The following MAN1A2 variants were observed in gnomAD, a reference collection of about 807,000 sequenced individuals.
The protein encoded by MAN1A2 is mannosidase alpha class 1A member 2.
In MAN1A2, 26 loss-of-function variants were observed where a neutral mutation model predicts 75.7. The observed-to-expected ratio is 0.34, with a 90% CI of 0.25 to 0.48. The LOEUF (loss-of-function observed/expected upper bound fraction) is 0.48. Among genes scored for constraint, MAN1A2 ranks in the 20% least tolerant of loss-of-function variants. The pLI, the probability that MAN1A2 is intolerant of heterozygous loss-of-function variation, is 0.99. For synonymous variants in MAN1A2, 247 were observed against 264.6 expected (o/e 0.93, Z 0.65); for missense variants, 562 against 775.5 (o/e 0.72, Z 3.27).
chr1:117,457,747 G>A (rs1649651887), intron 6 of MAN1A2, among the ~76,000 whole-genome samples: 1 of 152,064 alleles, frequency 6.6e-6, no homozygotes, highest in Admixed American at 6.6e-5. Flanking sequence ...TATTCCTTAA[G>A]TATTATGTTA....
intron 8 of MAN1A2, among the ~76,000 whole-genome samples, chr1:117,490,255 G>T (rs1051330470): frequency 6.6e-6 from 1 of 151,962 alleles, no homozygotes; most frequent in Non-Finnish European, 1.5e-5. Context: ...GAGCAAATCC[G>T]TCAGCATCAT....
chr1:117,511,948 A>G (rs1468423274), intron 12 of MAN1A2, among the ~76,000 whole-genome samples: 2 of 152,136 alleles, frequency 1.3e-5, no homozygotes, highest in Non-Finnish European at 2.9e-5. Context: ...TATGTATTTC[A>G]GTATTAAATG....
intron 1 of MAN1A2, among the ~76,000 whole-genome samples, chr1:117,391,110 A>G (rs978355727): frequency 6.6e-6 from 1 of 152,280 alleles, no homozygotes; most frequent in African/African-American, 2.4e-5. Flanking sequence ...GAGACTATCC[A>G]GATACCTTTA....
At chr1:117,504,944 AT>A (rs1191205216) in intron 12 of MAN1A2, among the ~76,000 whole-genome samples, 1 of 151,390 alleles carries the variant, frequency 6.6e-6, no homozygotes, top group Admixed American at 6.6e-5. Context: ...AGTTTAGCCC[AT>A]TATTGGTGAT....
intron 3 of MAN1A2, among the ~76,000 whole-genome samples, chr1:117,410,491 A>G (rs959270836): frequency 3.3e-5 from 5 of 151,830 alleles, no homozygotes; most frequent in Non-Finnish European, 5.9e-5. Flanking sequence ...AATACCCCCC[A>G]CATACTTAAT....
intron 1 of MAN1A2, among the ~76,000 whole-genome samples, chr1:117,398,341 T>C (rs752799027): frequency 1.3e-5 from 2 of 152,054 alleles, no homozygotes; most frequent in East Asian, 1.9e-4. Context: ...CTCATGCATA[T>C]GGGGCTATTG....
intron 1 of MAN1A2, among the ~76,000 whole-genome samples, chr1:117,393,283 T>C (rs1302228411): frequency 1.3e-5 from 2 of 152,212 alleles, no homozygotes; most frequent in African/African-American, 4.8e-5. Context: ...AGGAGATCTT[T>C]TTATTACCTT....
chr1:117,517,105 G>A (rs974378916), intron 12 of MAN1A2, among the ~76,000 whole-genome samples: 15 of 152,204 alleles, frequency 9.9e-5, no homozygotes, highest in African/African-American at 3.4e-4. Context: ...TCAATAGTGG[G>A]GAATAACCTG....
intron 1 of MAN1A2, among the ~76,000 whole-genome samples, chr1:117,379,924 A>G (rs1653275103): frequency 6.6e-6 from 1 of 152,056 alleles, no homozygotes; most frequent in African/African-American, 2.4e-5. Context: ...CCTTTTGGCT[A>G]TTGTGAATAG....
intron 3 of MAN1A2, among the ~76,000 whole-genome samples, chr1:117,412,462 TTTC>T (rs923885435): frequency 1.3e-5 from 2 of 151,728 alleles, no homozygotes; most frequent in African/African-American, 4.8e-5. Context: ...TTTCAATAAT[TTTC>T]TTCATTTCTA....
chr1:117,385,837 T>TTTA (rs1217218190), intron 1 of MAN1A2, among the ~76,000 whole-genome samples: 46 of 150,638 alleles, frequency 3.1e-4, no homozygotes, highest in Admixed American at 3.1e-3. Flanking sequence ...AAGAACTAGG[T>TTTA]TTAGTAAATA....
intron 1 of MAN1A2, among the ~76,000 whole-genome samples, chr1:117,374,476 G>C (rs1466424938): frequency 6.6e-6 from 1 of 151,988 alleles, no homozygotes; most frequent in Non-Finnish European, 1.5e-5. Context: ...GTCTGCACTG[G>C]AGTTTTATTT....
intron 5 of MAN1A2, among the ~76,000 whole-genome samples, chr1:117,440,156 A>G (rs922816312): frequency 1.3e-5 from 2 of 152,234 alleles, no homozygotes; most frequent in African/African-American, 4.8e-5. Flanking sequence ...TGTTAAAGTA[A>G]CAAGTTCAGA....
At chr1:117,509,495 G>A (rs1213702145) in intron 12 of MAN1A2, among the ~76,000 whole-genome samples, 3 of 151,962 alleles carry the variant, frequency 2.0e-5, no homozygotes, top group African/African-American at 4.8e-5. Context: ...CCCCTGCCCC[G>A]ACTTGGAAGT....
intron 11 of MAN1A2, among the ~76,000 whole-genome samples, chr1:117,502,534 A>G (rs1426479397): frequency 6.6e-6 from 1 of 151,726 alleles, no homozygotes; most frequent in African/African-American, 2.4e-5. Flanking sequence ...TGTTAGAACT[A>G]ATGGACCTTT....
chr1:117,522,738 T>C (rs758873824), intron 12 of MAN1A2, 87 bp from the exon 13 acceptor site: 23 of 1,149,744 alleles, frequency 2.0e-5, no homozygotes, highest in Non-Finnish European at 2.8e-5. Context: ...AAATACGTTA[T>C]TGGTTTTCTG....
At chr1:117,444,039 C>T (rs1187411092) in intron 6 of MAN1A2, among the ~76,000 whole-genome samples, 1 of 151,952 alleles carries the variant, frequency 6.6e-6, no homozygotes, top group African/African-American at 2.4e-5. Context: ...CAATATGATA[C>T]AGCAGACAGA....
intron 1 of MAN1A2, among the ~76,000 whole-genome samples, chr1:117,400,342 G>A: frequency 7.1e-6 from 1 of 141,462 alleles, no homozygotes; most frequent in East Asian, 2.0e-4. Flanking sequence ...TTTCTCCAGT[G>A]TTTAACATTT....
chr1:117,375,762 A>G (rs192664364), intron 1 of MAN1A2, among the ~76,000 whole-genome samples: 1 of 152,270 alleles, frequency 6.6e-6, no homozygotes, highest in East Asian at 1.9e-4. Context: ...TTGGAGCCAG[A>G]TTCCAGGGGT....
Sources: allele counts gnomAD v4.1 joint callset (sites outside exome capture counted in the v4.1 genomes callset), GRCh38; gene constraint gnomAD v4.1.1; transcripts MANE v1.5; gene names NCBI Gene and HGNC (gene_info 2026-07-23, HGNC 2026-07-21).